The following TAS1R1 variants were observed in gnomAD, a reference collection of about 807,000 sequenced individuals.
TAS1R1 encodes the protein taste 1 receptor member 1.
Under a neutral mutation model 45.8 loss-of-function variants are expected in TAS1R1, and 31 were observed. The ratio of observed to expected loss-of-function variants is 0.68; its 90% confidence interval spans 0.51 to 0.91. TAS1R1 has a LOEUF of 0.91. Among genes scored for constraint, TAS1R1 ranks in the 40% least tolerant of loss-of-function variants. The probability of loss-of-function intolerance (pLI) is 0.00; values close to 1 mark genes in which losing one functional copy is unlikely to be tolerated. For synonymous variants in TAS1R1, 437 were observed against 448.4 expected (o/e 0.97, Z 0.32); for missense variants, 1,051 against 1,063.9 (o/e 0.99, Z 0.17).
chr1:6,577,520 C>T (rs1345538428), intron 5 of TAS1R1, among the ~76,000 whole-genome samples: 3 of 141,470 alleles, frequency 2.1e-5, no homozygotes, highest in East Asian at 4.3e-4. Context: ...AGCGAGAATT[C>T]GTCCCCCCAA....
At chr1:6,557,849 A>G (rs1417433957) in intron 1 of TAS1R1, among the ~76,000 whole-genome samples, 1 of 152,168 alleles carries the variant, frequency 6.6e-6, no homozygotes, top group Non-Finnish European at 1.5e-5. Flanking sequence ...GACTACAGGC[A>G]TGGGCCACTG....
chr1:6,570,077 G>C (rs1639973181), intron 1 of TAS1R1, among the ~76,000 whole-genome samples: 1 of 151,844 alleles, frequency 6.6e-6, no homozygotes, highest in South Asian at 2.1e-4. Context: ...TGCCCGGCCA[G>C]AGCCTACCCA....
intron 1 of TAS1R1, among the ~76,000 whole-genome samples, chr1:6,558,674 C>A (rs375861926): frequency 1.3e-5 from 2 of 149,776 alleles, no homozygotes; most frequent in South Asian, 2.2e-4. Flanking sequence ...GAGCCGAGAT[C>A]GTGCACTCCA....
rs12040635 is a variant in TAS1R1, at chr1:6,569,811, C to T, written c.192-1098C>T. The stretch of plus-strand genomic sequence containing the variant: ...GCTGGGTCTTTCGGGAATTCAGAGA[C>T]GGTCAAGGATTCTGGGTAAATGGCA... On this transcript the variant is annotated intron_variant, in intron 1 of 5. Transcript: ENST00000333172. 4.0e-3 allele frequency among the ~76,000 whole-genome samples: 606 copies of T among 152,196 alleles called. 7 individuals carry two copies. Among genetic ancestry groups the T allele is most frequent in the East Asian group, 0.037 (191 of 5,166 alleles).
chr1:6,579,653 G>T lies in TAS1R1; in HGVS notation c.*69G>T. 1 of 1,526,736 alleles carries T rather than the reference G, an allele frequency of 6.5e-7. No individual in the cohort carries two copies. Among genetic ancestry groups the T allele is most frequent in the Non-Finnish European group, 8.7e-7 (1 of 1,144,272 alleles). The allele number at this position is 1,526,736 out of a possible 1,614,324, so 94.6% of individuals were successfully genotyped here. A position where few individuals can be genotyped will look rare whatever the true frequency, so the allele number is the denominator to read the frequency against. On this transcript the variant is annotated 3_prime_UTR_variant, in exon 6 of 6. Coordinates refer to ENST00000333172, the MANE Select transcript of TAS1R1 (RefSeq NM_138697.4). ...GGGTCGAAGGTCGAGCAGGCCGGGGGTGTCCGGGAGGTCTTTGGGCATCGC... is the reference window on the plus strand; with the variant it reads ...GGGTCGAAGGTCGAGCAGGCCGGGGTTGTCCGGGAGGTCTTTGGGCATCGC...
rs1640136284 is a variant in TAS1R1 at position 6,575,290 on chromosome 1, C to T, written c.1158C>T (p.Ala386=). Residue 386 remains alanine (A), a synonymous_variant, in exon 3 of 6, where the codon GCC becomes GCT. Coordinates refer to ENST00000333172, the MANE Select transcript of TAS1R1 (RefSeq NM_138697.4). Reference sequence around the variant, plus strand: ...TCAAAGCCTTCTCCATGAGTTCTGCCTACAACGCATACCGGGCTGTGTATG... The same window carrying T: ...TCAAAGCCTTCTCCATGAGTTCTGCTTACAACGCATACCGGGCTGTGTATG... ...PKLKAFSMSS[A]YNAYRAVYAV... The T allele has an allele frequency of 1.2e-6, 2 of 1,613,162 alleles. No individual in the cohort carries two copies. Among genetic ancestry groups the T allele is most frequent in the East Asian group, 2.2e-5 (1 of 44,884 alleles).
At chr1:6,564,633 A>G (rs1639844175) in intron 1 of TAS1R1, among the ~76,000 whole-genome samples, 1 of 152,112 alleles carries the variant, frequency 6.6e-6, no homozygotes, top group East Asian at 1.9e-4. Flanking sequence ...GCGCCACTGG[A>G]CGCTGAGGGA....
chr1:6,571,993 T>C (rs1640029703), intron 2 of TAS1R1, among the ~76,000 whole-genome samples: 1 of 152,160 alleles, frequency 6.6e-6, no homozygotes, highest in Non-Finnish European at 1.5e-5. Context: ...CCCTGTACCT[T>C]GGACCACAGC....
rs149273836 is a variant in TAS1R1, at chr1:6,563,421, A to G, written c.192-7488A>G. Among the ~76,000 whole-genome samples the G allele has an allele frequency of 3.9e-3, 595 of 152,334 alleles. 3 individuals are homozygous for G. Among genetic ancestry groups the G allele is most frequent in the African/African-American group, 0.014 (577 of 41,580 alleles). On this transcript the variant is annotated intron_variant, in intron 1 of 5. Transcript: ENST00000333172. ...GGTAAGGCTGGAGATATAGGAGCGT[A>G]AAAGTTGTACTATGCGCCGTGTCAG...
In TAS1R1 at chr1:6,579,496, A is replaced by G. The variant is rs1313442840; in HGVS notation, c.2438A>G (p.Tyr813Cys). Residue 813 changes from tyrosine (Y) to cysteine (C), a missense_variant, in exon 6 of 6, where the codon TAC becomes TGC. By Grantham distance (194) the Tyr-to-Cys change is radical. Coordinates refer to ENST00000333172, the MANE Select transcript of TAS1R1 (RefSeq NM_138697.4). ...GFGGYFLPKC[Y>C]VILCRPDLNS... ...GGTGGGTATTTTCTGCCTAAGTGCT[A>G]CGTGATCCTCTGCCGCCCAGACCTC... is the stretch of plus-strand genomic sequence containing the variant. 1 of 1,613,962 alleles carries G rather than the reference A, an allele frequency of 6.2e-7. No individual in the cohort carries two copies.
At position 6,558,724 on chromosome 1, in the gene TAS1R1, A is replaced by G. The variant is rs574480858; in HGVS notation, c.191+3160A>G. Among the ~76,000 whole-genome samples, 3 of 151,652 alleles carry G rather than the reference A, an allele frequency of 2.0e-5. No individual in the cohort carries two copies. The South Asian group carries it at 6.3e-4, about 32-fold the overall frequency. ...CTCCAGCGAGACTCAGTCTAAAAAA[A>G]AATATATATATTTTGAGACAGTCTC... is the stretch of plus-strand genomic sequence containing the variant. On this transcript the variant is annotated intron_variant, in intron 1 of 5. Transcript: ENST00000333172.
At chr1:6,562,402 T>C (rs1639805555) in intron 1 of TAS1R1, among the ~76,000 whole-genome samples, 1 of 152,136 alleles carries the variant, frequency 6.6e-6, no homozygotes, top group Non-Finnish European at 1.5e-5. Context: ...TCTCCCAACC[T>C]AGTGATCCAC....
At chr1:6,558,060 T>TTTG in intron 1 of TAS1R1, among the ~76,000 whole-genome samples, 1 of 151,528 alleles carries the variant, frequency 6.6e-6, no homozygotes, top group African/African-American at 2.4e-5. Context: ...TTTTGTTTTT[T>TTTG]TTCTGAGACA....
chr1:6,576,695 GAC>G lies in TAS1R1; in HGVS notation c.1473+72_1473+73del, dbSNP rs1640187073. On this transcript the variant is annotated intron_variant, in intron 4 of 5. Coordinates refer to ENST00000333172, the MANE Select transcript of TAS1R1 (RefSeq NM_138697.4). ...CAACCTAGAGCCTGGGGGTGATGCT[GAC>G]ACAGTGTACAGGGAGCAGGAGGGGG... 6.4e-6 allele frequency: 10 copies of G among 1,574,108 alleles called. No individual in the cohort carries two copies. In the South Asian group the frequency reaches 7.9e-5, roughly 12 times the overall value.
In TAS1R1 at chr1:6,575,376, G is replaced by A. The variant is rs144658439; in HGVS notation, c.1244G>A (p.Arg415Gln). ...GCASGACSRGRVYPWQLLEQI... is the reference protein window; with the variant it reads ...GCASGACSRGQVYPWQLLEQI... ...GCCTCTGGAGCTTGTTCCAGGGGCC[G>A]AGTCTACCCCTGGCAGGTAAGAGAG... is the stretch of plus-strand genomic sequence containing the variant. Residue 415 changes from arginine (R) to glutamine (Q), a missense_variant, in exon 3 of 6, where the codon CGA (arginine) becomes CAA (glutamine). Physicochemically the swap from Arg to Gln is conservative, Grantham distance 43. Coordinates refer to ENST00000333172, the MANE Select transcript of TAS1R1 (RefSeq NM_138697.4). 41 of 1,575,058 alleles carry A rather than the reference G, an allele frequency of 2.6e-5. No individual in the cohort carries two copies. The highest frequency in any genetic ancestry group is 1.1e-4 in the African/African-American group (8 of 73,684).
intron 1 of TAS1R1, among the ~76,000 whole-genome samples, chr1:6,568,853 C>T (rs1639936165): frequency 1.3e-5 from 2 of 152,058 alleles, no homozygotes; most frequent in African/African-American, 4.8e-5. Flanking sequence ...AGAGATCATG[C>T]CAAGTGAGTT....
chr1:6,558,239 C>G (rs1557800637), intron 1 of TAS1R1, among the ~76,000 whole-genome samples: 1 of 151,938 alleles, frequency 6.6e-6, no homozygotes, highest in East Asian at 1.9e-4. Context: ...GGTCTCACTA[C>G]ATTGCCCAAG....
intron 4 of TAS1R1, 105 bp downstream of exon 4, chr1:6,576,732 G>A: frequency 7.0e-7 from 1 of 1,436,188 alleles, no homozygotes; most frequent in Non-Finnish European, 9.5e-7. Context: ...GGCCCCAGGG[G>A]TCCAGCTGCC....
At chr1:6,555,839 C>G (rs1175031737) in intron 1 of TAS1R1, among the ~76,000 whole-genome samples, 1 of 148,412 alleles carries the variant, frequency 6.7e-6, no homozygotes, top group Non-Finnish European at 1.5e-5. Context: ...GTGGCCAGGC[C>G]TAAGCAAGGG....
Sources: gnomAD v4.1 joint callset for allele counts (sites outside exome capture counted in the v4.1 genomes callset) on GRCh38, gnomAD v4.1.1 for gene constraint, MANE v1.5 for transcripts, NCBI Gene and HGNC (gene_info 2026-07-23, HGNC 2026-07-21) for gene names.